Variants in NRXN3 observed in about 807,000 individuals in gnomAD.
NRXN3 encodes neurexin 3.
NRXN3 carries 32 observed loss-of-function variants against 137.6 expected under a neutral mutation model. The observed-to-expected ratio is 0.23, with a 90% CI of 0.18 to 0.31. The LOEUF (loss-of-function observed/expected upper bound fraction) is 0.31, where lower values mean the gene tolerates loss of function less well. Among genes scored for constraint, NRXN3 ranks in the 10% least tolerant of loss-of-function variants. The pLI is 1.00. For synonymous variants in NRXN3, 798 were observed against 784.5 expected (o/e 1.02, Z -0.29); for missense variants, 1,574 against 2,062.5 (o/e 0.76, Z 4.59).
chr14:78,366,963 C>T (rs367587685), intron 4 of NRXN3, among the ~76,000 whole-genome samples: 66 of 152,302 alleles, frequency 4.3e-4, no homozygotes, highest in Admixed American at 7.8e-4. Context: ...CAATCAATGT[C>T]GTCTTTTGCC....
intron 16 of NRXN3, among the ~76,000 whole-genome samples, chr14:79,493,303 A>G (rs1027406746): frequency 6.6e-6 from 1 of 152,232 alleles, no homozygotes; most frequent in Non-Finnish European, 1.5e-5. Context: ...AATGAGTACA[A>G]CAGACAATTC....
At chr14:78,421,100 T>C (rs573376966) in intron 4 of NRXN3, among the ~76,000 whole-genome samples, 42 of 152,064 alleles carry the variant, frequency 2.8e-4, no homozygotes, top group Middle Eastern at 6.8e-3. Flanking sequence ...CTGTCTCTAC[T>C]AAAAATACAA....
intron 15 of NRXN3, among the ~76,000 whole-genome samples, chr14:79,005,654 C>A (rs760690074): frequency 2.6e-5 from 4 of 152,180 alleles, no homozygotes; most frequent in Admixed American, 2.0e-4. Context: ...TCTTCCCCAA[C>A]GTGCCCTAAA....
chr14:79,002,807 A>G (rs935018631), intron 15 of NRXN3, among the ~76,000 whole-genome samples: 2 of 152,098 alleles, frequency 1.3e-5, no homozygotes, highest in South Asian at 2.1e-4. Context: ...GTCTTCCACA[A>G]TGGTTACACA....
rs1242006469 is a variant in NRXN3, at chr14:79,182,969, A to G, written c.3262+194828A>G. ...ACTTTGAGAAACAGACTTACTACAAACAGACACATAAAGAAAAATCTGGTA... is the reference window on the plus strand; with the variant it reads ...ACTTTGAGAAACAGACTTACTACAAGCAGACACATAAAGAAAAATCTGGTA... On this transcript the variant is annotated intron_variant, in intron 15 of 20. Transcript: ENST00000335750. Among the ~76,000 whole-genome samples the G allele has an allele frequency of 2.6e-5, 4 of 152,320 alleles. No homozygotes were observed. The South Asian group carries it at 6.2e-4, about 24-fold the overall frequency.
chr14:79,349,545 T>TACAC lies in NRXN3; in HGVS notation c.3263-117636_3263-117633dup, dbSNP rs71131694. On this transcript the variant is annotated intron_variant, in intron 15 of 20. Coordinates refer to ENST00000335750, the MANE Select transcript of NRXN3 (RefSeq NM_001330195.2). ...CTCCGTCCTCCCCGGGAAAAAAAAA[T>TACAC]ACACACACACACACACACACACACA... is the stretch of plus-strand genomic sequence containing the variant. Among the ~76,000 whole-genome samples, 776 of 137,688 alleles carry TACAC rather than the reference T, an allele frequency of 5.6e-3. 2 individuals are homozygous for TACAC. The highest frequency in any genetic ancestry group is 0.03 in the South Asian group (126 of 4,174). 90.3% of individuals were successfully genotyped at this position (137,688 alleles called of 152,430 possible). A position where few individuals can be genotyped will look rare whatever the true frequency, so the allele number is the denominator to read the frequency against.
At chr14:78,742,728 C>G (rs1232122605) in intron 8 of NRXN3, among the ~76,000 whole-genome samples, 1 of 152,226 alleles carries the variant, frequency 6.6e-6, no homozygotes, top group Admixed American at 6.5e-5. Context: ...CTATGTAATA[C>G]TATTCTTATT....
chr14:79,816,810 C>T (rs2099252876), intron 20 of NRXN3, among the ~76,000 whole-genome samples: 1 of 152,112 alleles, frequency 6.6e-6, no homozygotes, highest in South Asian at 2.1e-4. Context: ...ATAGAGTAAG[C>T]TAGTATATTA....
intron 16 of NRXN3, among the ~76,000 whole-genome samples, chr14:79,623,446 T>G (rs1319397712): frequency 1.3e-5 from 2 of 152,224 alleles, no homozygotes; most frequent in Non-Finnish European, 2.9e-5. Flanking sequence ...TTCGTTTATC[T>G]ACTTGGAGAG....
At chr14:79,318,389 A>G (rs1171525630) in intron 15 of NRXN3, among the ~76,000 whole-genome samples, 1 of 152,232 alleles carries the variant, frequency 6.6e-6, no homozygotes, top group Non-Finnish European at 1.5e-5. Context: ...GTCCTGACCC[A>G]GAAACAACAC....
chr14:78,239,762 A>G (rs1486083955), intron 1 of NRXN3, among the ~76,000 whole-genome samples: 1 of 152,086 alleles, frequency 6.6e-6, no homozygotes, highest in Non-Finnish European at 1.5e-5. Flanking sequence ...GATGGAGTAC[A>G]GTGGCACGAT....
chr14:79,025,979 G>A (rs2099597378), intron 15 of NRXN3, among the ~76,000 whole-genome samples: 1 of 152,232 alleles, frequency 6.6e-6, no homozygotes, highest in South Asian at 2.1e-4. Flanking sequence ...CAGGCAAGAG[G>A]AATGGAACAG....
chr14:78,760,293 C>T (rs1480536779), intron 8 of NRXN3, among the ~76,000 whole-genome samples: 9 of 150,862 alleles, frequency 6.0e-5, no homozygotes, highest in African/African-American at 9.8e-5. Context: ...CCGCCCGCCT[C>T]GGCCTCCCAA....
intron 4 of NRXN3, among the ~76,000 whole-genome samples, chr14:78,354,437 A>ACTC (rs1285105323): frequency 1.3e-5 from 2 of 151,978 alleles, no homozygotes; most frequent in Admixed American, 6.6e-5. Context: ...CCATCTAGCC[A>ACTC]CTCCTAGTCT....
At chr14:78,465,839 A>AT (rs1008710340) in intron 4 of NRXN3, among the ~76,000 whole-genome samples, 1 of 146,098 alleles carries the variant, frequency 6.8e-6, no homozygotes, top group Non-Finnish European at 1.5e-5. Flanking sequence ...GGCCTAAGGT[A>AT]TTTTTTTAAA....
At chr14:79,275,766 G>C (rs2080195409) in intron 15 of NRXN3, among the ~76,000 whole-genome samples, 1 of 151,622 alleles carries the variant, frequency 6.6e-6, no homozygotes, top group Admixed American at 6.6e-5. Context: ...AGAGGAGAAG[G>C]TTTATAATAC....
chr14:78,638,762 T>C (rs1566948642), intron 4 of NRXN3, among the ~76,000 whole-genome samples: 1 of 152,156 alleles, frequency 6.6e-6, no homozygotes, highest in Non-Finnish European at 1.5e-5. Context: ...AACGAACTCA[T>C]ACTTGCCTTG....
chr14:79,140,508 G>A (rs1358409884), intron 15 of NRXN3, among the ~76,000 whole-genome samples: 2 of 151,758 alleles, frequency 1.3e-5, no homozygotes, highest in African/African-American at 4.8e-5. Flanking sequence ...CTGAGTATAA[G>A]TGGATAATGA....
rs557529543 is a variant in NRXN3, at chr14:79,794,395, CA to C, written c.4015-10707del. 2.9e-3 allele frequency among the ~76,000 whole-genome samples: 429 copies of C among 150,062 alleles called. 1 individual carries two copies. The highest frequency in any genetic ancestry group is 0.01 in the African/African-American group (418 of 40,824). On this transcript the variant is annotated intron_variant, in intron 19 of 20. Coordinates refer to ENST00000335750, the MANE Select transcript of NRXN3 (RefSeq NM_001330195.2). ...AAAAACAAACAAACAAACAAAAAAA[CA>C]AAAAAAAAACAAGAAGAGGTCTCCG...
Sources: allele counts gnomAD v4.1 joint callset (sites outside exome capture counted in the v4.1 genomes callset), GRCh38; gene constraint gnomAD v4.1.1; transcripts MANE v1.5; gene names NCBI Gene and HGNC (gene_info 2026-07-23, HGNC 2026-07-21).